Variants in COA1 observed in about 807,000 individuals in gnomAD.
COA1 encodes cytochrome c oxidase assembly factor 1 homolog.
COA1 carries 13 observed loss-of-function variants against 16.0 expected under a neutral mutation model. The ratio of observed to expected loss-of-function variants is 0.81; its 90% CI spans 0.53 to 1.29. The LOEUF (loss-of-function observed/expected upper bound fraction) is 1.29, where lower values mean the gene tolerates loss of function less well. Among genes scored for constraint, COA1 ranks in the 50% most tolerant of loss-of-function variants. COA1 has a pLI of 0.00. For synonymous variants in COA1, 65 were observed against 65.7 expected (o/e 0.99, Z 0.05); for missense variants, 179 against 177.0 (o/e 1.01, Z -0.06).
rs144516125 is a variant in COA1, at chr7:43,704,700, T to C, written c.-39+24729A>G. On this transcript the variant is annotated intron_variant, in intron 1 of 5. Coordinates refer to ENST00000223336, the MANE Select transcript of COA1 (RefSeq NM_018224.4). ...TTTCTTAAAATGGCTTTGTGGTCTTTCAACTCTTGCACTCTTACTGTGTTC... is the reference window on the plus strand; with the variant it reads ...TTTCTTAAAATGGCTTTGTGGTCTTCCAACTCTTGCACTCTTACTGTGTTC... Among the ~76,000 whole-genome samples, 33 of 152,292 alleles carry C rather than the reference T, an allele frequency of 2.2e-4. No homozygotes were observed. In the East Asian group the frequency reaches 6.4e-3, roughly 29 times the overall value.
chr7:43,670,146 T>C (rs1289624049), intron 1 of COA1, among the ~76,000 whole-genome samples: 1 of 152,108 alleles, frequency 6.6e-6, no homozygotes, highest in Non-Finnish European at 1.5e-5. Context: ...CATATATTAA[T>C]GGATGTGTAT....
chr7:43,700,591 C>CGCGTGTGTGTGT (rs1554550151), intron 1 of COA1, among the ~76,000 whole-genome samples: 1 of 144,868 alleles, frequency 6.9e-6, no homozygotes, highest in Non-Finnish European at 1.5e-5. Context: ...TGTATATATA[C>CGCGTGTGTGTGT]GTGTGTGTGT....
At chr7:43,651,447 A>G (rs2090757837) in intron 1 of COA1, among the ~76,000 whole-genome samples, 1 of 152,168 alleles carries the variant, frequency 6.6e-6, no homozygotes, top group African/African-American at 2.4e-5. Flanking sequence ...CCAAAGTACT[A>G]AACCCTTTCT....
intron 1 of COA1, among the ~76,000 whole-genome samples, chr7:43,710,375 A>AAAATATATATATAT (rs761592421): frequency 1.6e-4 from 6 of 36,446 alleles, no homozygotes; most frequent in African/African-American, 2.6e-4. Flanking sequence ...AAAAAAAAAA[A>AAAATATATATATAT]ATATATATAT....
At chr7:43,694,625 A>G (rs920263590) in intron 1 of COA1, among the ~76,000 whole-genome samples, 1 of 152,174 alleles carries the variant, frequency 6.6e-6, no homozygotes, top group African/African-American at 2.4e-5. Flanking sequence ...TTATTGAGCA[A>G]TTCTTTTCCA....
intron 1 of COA1, among the ~76,000 whole-genome samples, chr7:43,701,792 T>C (rs1335558038): frequency 6.6e-6 from 1 of 152,228 alleles, no homozygotes; most frequent in Non-Finnish European, 1.5e-5. Flanking sequence ...TGGTGTGAGA[T>C]AGTATCTCAT....
downstream of COA1, among the ~76,000 whole-genome samples, chr7:43,636,737 C>T (rs908551507): frequency 6.6e-6 from 1 of 152,174 alleles, no homozygotes; most frequent in African/African-American, 2.4e-5. Context: ...GGAATGTTTG[C>T]AGGCAAGTGG....
chr7:43,682,060 G>A (rs1419029136), intron 1 of COA1, among the ~76,000 whole-genome samples: 1 of 152,192 alleles, frequency 6.6e-6, no homozygotes, highest in Admixed American at 6.5e-5. Flanking sequence ...GGAGGTTAAT[G>A]GGCTTTTAAT....
intron 6 of COA1, chr7:43,619,740 G>C: frequency 6.2e-7 from 1 of 1,612,330 alleles, no homozygotes; most frequent in Non-Finnish European, 8.5e-7. Context: ...ATTCATAAAA[G>C]TAGTTTTGTT....
chr7:43,727,977 CTTTT>C (rs201576823), intron 1 of COA1, among the ~76,000 whole-genome samples: 2 of 139,978 alleles, frequency 1.4e-5, no homozygotes, highest in Admixed American at 7.2e-5. Flanking sequence ...GGTTTTCTTT[CTTTT>C]TTTTTTTTTT....
downstream of COA1, among the ~76,000 whole-genome samples, chr7:43,636,835 C>A (rs1470540800): frequency 6.6e-6 from 1 of 152,236 alleles, no homozygotes; most frequent in East Asian, 1.9e-4. Context: ...ACATTCAGCA[C>A]AATCTCTGAA....
intron 1 of COA1, among the ~76,000 whole-genome samples, chr7:43,720,011 G>A (rs542961635): frequency 6.7e-4 from 102 of 152,318 alleles, no homozygotes; most frequent in African/African-American, 2.4e-3. Flanking sequence ...AGGCATGGTG[G>A]CTCACACCTG....
At chr7:43,691,409 AAGG>A (rs1430976072) in intron 1 of COA1, among the ~76,000 whole-genome samples, 1 of 121,652 alleles carries the variant, frequency 8.2e-6, no homozygotes, top group African/African-American at 3.2e-5. Context: ...GGAAGGAAGG[AAGG>A]AAGAAAGAAA....
intron 1 of COA1, among the ~76,000 whole-genome samples, chr7:43,654,510 G>A (rs768796516): frequency 6.6e-6 from 1 of 151,910 alleles, no homozygotes; most frequent in Non-Finnish European, 1.5e-5. Flanking sequence ...GTGATGTCAA[G>A]GAAACTCACA....
intron 6 of COA1, among the ~76,000 whole-genome samples, chr7:43,610,037 G>A (rs1200698211): frequency 6.6e-6 from 1 of 152,232 alleles, no homozygotes; most frequent in Admixed American, 6.5e-5. Flanking sequence ...CAGGCCAGGG[G>A]CCACTTTAAG....
chr7:43,684,500 T>C (rs1028761007), intron 1 of COA1, among the ~76,000 whole-genome samples: 2 of 152,164 alleles, frequency 1.3e-5, no homozygotes, highest in South Asian at 2.1e-4. Flanking sequence ...TGCACTGCCT[T>C]TTCTGACTTA....
chr7:43,656,393 A>C (rs1345613093), intron 1 of COA1, among the ~76,000 whole-genome samples: 1 of 152,266 alleles, frequency 6.6e-6, no homozygotes, highest in Admixed American at 6.5e-5. Flanking sequence ...ATATTCAAAG[A>C]GTTGAATTTA....
chr7:43,710,375 A>AATATATATAT lies in COA1; in HGVS notation c.-39+19044_-39+19053dup, dbSNP rs1554558920. Among the ~76,000 whole-genome samples the AATATATATAT allele has an allele frequency of 3.3e-3, 119 of 36,434 alleles. 2 individuals carry two copies. Among genetic ancestry groups the AATATATATAT allele is most frequent in the African/African-American group, 0.014 (105 of 7,680 alleles). The allele number at this position is 36,434 out of a possible 152,430, so 23.9% of individuals were successfully genotyped here. ...AAAAAAAAAAAAAAAAAAAAAAAAA[A>AATATATATAT]ATATATATATATATATATATTTTTA... On this transcript the variant is annotated intron_variant, in intron 1 of 5. Coordinates refer to ENST00000223336, the MANE Select transcript of COA1 (RefSeq NM_018224.4).
intron 1 of COA1, among the ~76,000 whole-genome samples, chr7:43,652,017 A>C (rs1045110308): frequency 1.3e-5 from 2 of 152,186 alleles, no homozygotes; most frequent in African/African-American, 4.8e-5. Flanking sequence ...AACAAGACAG[A>C]TGTCCAGGCC....
Sources: gnomAD v4.1 joint callset for allele counts (sites outside exome capture counted in the v4.1 genomes callset) on GRCh38, gnomAD v4.1.1 for gene constraint, MANE v1.5 for transcripts, NCBI Gene and HGNC (gene_info 2026-07-23, HGNC 2026-07-21) for gene names.